The following CFAP45 variants were observed in gnomAD, a reference collection of about 807,000 sequenced individuals.
The protein encoded by CFAP45 is cilia- and flagella-associated protein 45.
A neutral mutation model predicts 75.6 loss-of-function variants in CFAP45; 43 were observed. The observed-to-expected ratio is 0.57, with a 90% CI of 0.45 to 0.73. The LOEUF is 0.73. CFAP45 is among the 30% of genes least tolerant of loss of function. The pLI, the probability that CFAP45 is intolerant of heterozygous loss-of-function variation, is 0.00. For synonymous variants in CFAP45, 223 were observed against 244.6 expected, an observed-to-expected ratio of 0.91 and a Z score of 0.82; for missense variants, 689 against 701.5, an observed-to-expected ratio of 0.98 and a Z score of 0.20.
In CFAP45 at chr1:159,887,822, GGA is replaced by G; in HGVS notation, c.588+17_588+18del. On this transcript the variant is annotated intron_variant, in intron 5 of 11. Coordinates refer to ENST00000368099, the MANE Select transcript of CFAP45 (RefSeq NM_012337.3). ...ATGGCAGTGAATGCTCAGAGGGAAG[GGA>G]GAGACGAAGAGCCCACCTTGCTCAT... The G allele has an allele frequency of 6.2e-7, 1 of 1,602,964 alleles. No individual in the cohort carries two copies. The highest frequency in any genetic ancestry group is 8.5e-7 in the Non-Finnish European group (1 of 1,173,366).
intron 1 of CFAP45, among the ~76,000 whole-genome samples, chr1:159,893,687 A>G (rs1460741208): frequency 1.3e-5 from 2 of 152,162 alleles, no homozygotes; most frequent in Non-Finnish European, 2.9e-5. Context: ...CTGGTGCTCT[A>G]TTGCACAGAA....
chr1:159,889,742 G>A (rs369135777), intron 3 of CFAP45, among the ~76,000 whole-genome samples: 3 of 152,186 alleles, frequency 2.0e-5, no homozygotes, highest in Admixed American at 6.5e-5. Flanking sequence ...GCCGCAGTCC[G>A]ACACAGCTCC....
intron 1 of CFAP45, among the ~76,000 whole-genome samples, chr1:159,894,429 C>T (rs887100394): frequency 1.3e-5 from 2 of 152,204 alleles, no homozygotes; most frequent in African/African-American, 4.8e-5. Context: ...CGTGTCTCCA[C>T]AATCTTACAA....
Position 159,890,611 on chromosome 1 carries a change from C to T in CFAP45, c.141G>A (p.Gln47=). The change falls in exon 3 of 12, where the codon CAG becomes CAA. Residue 47 remains glutamine, a synonymous_variant. Transcript: ENST00000368099. ...SLFGDIKSPA[Q]GQSDSPIVLL... ...GCACAATGGGGCTGTCGCTCTGGCC[C>T]TGGGCTGGGGACTATGAGTTCAGAA... is the stretch of plus-strand genomic sequence containing the variant. 3 of 1,614,074 alleles carry T rather than the reference C, an allele frequency of 1.9e-6. No individual in the cohort carries two copies. The highest frequency in any genetic ancestry group is 2.2e-5 in the South Asian group (2 of 91,080).
chr1:159,882,380 A>G (rs1012647241), intron 7 of CFAP45, among the ~76,000 whole-genome samples: 2 of 152,180 alleles, frequency 1.3e-5, no homozygotes, highest in Non-Finnish European at 2.9e-5. Flanking sequence ...CATACATACA[A>G]TCATGTATTT....
chr1:159,883,302 G>C (rs1175399494), intron 7 of CFAP45, among the ~76,000 whole-genome samples: 2 of 152,096 alleles, frequency 1.3e-5, no homozygotes, highest in African/African-American at 2.4e-5. Flanking sequence ...ATGAATGAAT[G>C]AATGAATGAA....
At chr1:159,882,595 A>G (rs544615158) in intron 7 of CFAP45, among the ~76,000 whole-genome samples, 1 of 152,336 alleles carries the variant, frequency 6.6e-6, no homozygotes, top group African/African-American at 2.4e-5. Flanking sequence ...CAGTAGGTCT[A>G]AAGCTGGGAA....
chr1:159,885,243 T>G (rs1298111773), intron 6 of CFAP45, among the ~76,000 whole-genome samples: 1 of 152,218 alleles, frequency 6.6e-6, no homozygotes, highest in Non-Finnish European at 1.5e-5. Flanking sequence ...CCAGCTCAAA[T>G]CATTACAGTT....
chr1:159,885,611 T>C (rs1190601755), intron 6 of CFAP45, among the ~76,000 whole-genome samples: 1 of 152,210 alleles, frequency 6.6e-6, no homozygotes, highest in African/African-American at 2.4e-5. Flanking sequence ...AATTTATTCA[T>C]CCCAACATGA....
At position 159,872,546 on chromosome 1, in the gene CFAP45, T is replaced by C; in HGVS notation, c.1595A>G (p.Glu532Gly). 1 of 1,614,080 alleles carries C rather than the reference T, an allele frequency of 6.2e-7. No individual in the cohort carries two copies. Among genetic ancestry groups the C allele is most frequent in the Middle Eastern group, 1.6e-4 (1 of 6,062 alleles). Residue 532 changes from glutamate (E) to glycine (G), a missense_variant, in exon 12 of 12, where the codon GAG becomes GGG. By Grantham distance (98) the Glu-to-Gly change is moderately conservative. Transcript: ENST00000368099. ...LEELRATGLP[E>G]KYCIEAERKA... Reference sequence around the variant, plus strand: ...GCGCTCAGCTTCAATGCAGTACTTCTCGGGAAGGCCAGTGGCTCTGCCGGG... The same window carrying C: ...GCGCTCAGCTTCAATGCAGTACTTCCCGGGAAGGCCAGTGGCTCTGCCGGG...
rs112274025 is a variant in CFAP45, at chr1:159,886,598, C to T, written c.680G>A (p.Arg227Gln). The change falls in exon 6 of 12, where the codon CGG (arginine) becomes CAG (glutamine). Residue 227 changes from arginine (R) to glutamine (Q), a missense_variant. Coordinates refer to ENST00000368099, the MANE Select transcript of CFAP45 (RefSeq NM_012337.3). ...CTCCACTTCCATCATCTGATCCAAC[C>T]GCTTCTCTTCTGTGTCCAGTTCTTT... ...IQKELDTEEK[R>Q]LDQMMEVERQ... The T allele has an allele frequency of 3.8e-3, 6,194 of 1,614,084 alleles. 24 individuals are homozygous for T. Among genetic ancestry groups the T allele is most frequent in the Non-Finnish European group, 3.9e-3 (4,644 of 1,179,966 alleles).
intron 10 of CFAP45, among the ~76,000 whole-genome samples, chr1:159,875,498 C>T (rs762129575): frequency 3.3e-5 from 5 of 152,122 alleles, no homozygotes; most frequent in East Asian, 1.9e-4. Flanking sequence ...TAGAGGCTCC[C>T]GAAGACCTGC....
intron 5 of CFAP45, 88 bp downstream of exon 5, chr1:159,887,753 G>A: frequency 5.7e-6 from 5 of 878,442 alleles, no homozygotes; most frequent in Non-Finnish European, 8.5e-6. Context: ...ACCCCCACCA[G>A]TCCCTGGCCT....
At chr1:159,878,082 T>G (rs75980453) in intron 8 of CFAP45, among the ~76,000 whole-genome samples, 1,753 of 152,304 alleles carry the variant, frequency 0.012, 15 homozygotes, top group East Asian at 0.051. Flanking sequence ...TGCCCAAGAT[T>G]GCACAGGAAG....
intron 2 of CFAP45, among the ~76,000 whole-genome samples, chr1:159,892,586 C>A (rs1397720513): frequency 2.0e-5 from 3 of 152,090 alleles, no homozygotes; most frequent in African/African-American, 7.2e-5. Context: ...TCTTTTTCTC[C>A]TTCCCTCTCT....
intron 10 of CFAP45, chr1:159,876,221 A>T: frequency 3.0e-6 from 1 of 329,562 alleles, no homozygotes; most frequent in South Asian, 3.9e-5. Flanking sequence ...TTGCAGTTTC[A>T]TCCCCAATTT....
chr1:159,878,753 TAAAAAAAAAAAAA>T (rs539116292), intron 8 of CFAP45, among the ~76,000 whole-genome samples: 1,562 of 32,500 alleles, frequency 0.048, 105 homozygotes, highest in South Asian at 0.13. Flanking sequence ...AGACTACATC[TAAAAAAAAAAAAA>T]AAAAAAAAAA....
rs372886759 is a variant in CFAP45, at chr1:159,886,624, T to C, written c.654A>G (p.Gln218=). 9 of 1,614,076 alleles carry C rather than the reference T, an allele frequency of 5.6e-6. No homozygotes were observed. In the African/African-American group the frequency reaches 1.2e-4, roughly 22 times the overall value. Residue 218 remains glutamine, a synonymous_variant, in exon 6 of 12, where the codon CAA becomes CAG. Transcript: ENST00000368099. ...GCTTCTCTTCTGTGTCCAGTTCTTTTTGGATCTGCTGCTTCTCCAGGATTT... is the reference window on the plus strand; with the variant it reads ...GCTTCTCTTCTGTGTCCAGTTCTTTCTGGATCTGCTGCTTCTCCAGGATTT... ...DAQILEKQQI[Q]KELDTEEKRL... is the part of the protein sequence containing the mutation.
At chr1:159,895,990 A>T (rs185532871) in intron 1 of CFAP45, among the ~76,000 whole-genome samples, 1 of 152,358 alleles carries the variant, frequency 6.6e-6, no homozygotes, top group East Asian at 1.9e-4. Context: ...ATTGAGATGG[A>T]TACTTTTCCG....
Sources: gnomAD v4.1 joint callset for allele counts (sites outside exome capture counted in the v4.1 genomes callset) on GRCh38, gnomAD v4.1.1 for gene constraint, MANE v1.5 for transcripts, NCBI Gene and HGNC (gene_info 2026-07-23, HGNC 2026-07-21) for gene names.